Variants in DSCAM observed in about 807,000 individuals in gnomAD.
DSCAM encodes DS cell adhesion molecule.
Under a neutral mutation model 217.7 loss-of-function variants are expected in DSCAM, and 47 were observed. The observed-to-expected ratio is 0.22, with a 90% CI of 0.17 to 0.28. The LOEUF is 0.28. DSCAM is among the 10% of genes least tolerant of loss of function. The pLI is 1.00. For synonymous variants in DSCAM, 1,056 were observed against 1,015.3 expected, an observed-to-expected ratio of 1.04 and a Z score of -0.76; for missense variants, 2,080 against 2,618.3, an observed-to-expected ratio of 0.79 and a Z score of 4.49.
chr21:40,037,949 A>G (rs932831545), intron 32 of DSCAM, among the ~76,000 whole-genome samples: 6 of 146,792 alleles, frequency 4.1e-5, no homozygotes, highest in African/African-American at 1.3e-4. Flanking sequence ...GGTGCTGGGA[A>G]AACTGGCTAG....
chr21:40,098,562 C>G (rs2089711550), intron 20 of DSCAM, among the ~76,000 whole-genome samples: 1 of 152,218 alleles, frequency 6.6e-6, no homozygotes, highest in Non-Finnish European at 1.5e-5. Flanking sequence ...GTGACCAAAA[C>G]AAGAAGGACT....
At chr21:40,713,589 A>G (rs548871072) in intron 1 of DSCAM, among the ~76,000 whole-genome samples, 40 of 152,310 alleles carry the variant, frequency 2.6e-4, no homozygotes, top group African/African-American at 8.7e-4. Flanking sequence ...GGGATGAGGA[A>G]GGGCAAGTGT....
intron 1 of DSCAM, among the ~76,000 whole-genome samples, chr21:40,780,423 G>GTATATATATATATATATATATATA (rs71186965): frequency 6.9e-4 from 39 of 56,390 alleles, no homozygotes; most frequent in African/African-American, 1.9e-3. Flanking sequence ...GTGTGTGTGT[G>GTATATATATATATATATATATATA]TATATATATA....
chr21:40,813,930 C>A (rs2091859764), intron 1 of DSCAM, among the ~76,000 whole-genome samples: 1 of 152,088 alleles, frequency 6.6e-6, no homozygotes, highest in Non-Finnish European at 1.5e-5. Flanking sequence ...CAGGTATGAG[C>A]CCCTGAGCAC....
intron 11 of DSCAM, among the ~76,000 whole-genome samples, chr21:40,221,242 A>G (rs1400747372): frequency 6.6e-6 from 1 of 151,970 alleles, no homozygotes; most frequent in East Asian, 1.9e-4. Context: ...TACCTGTCCC[A>G]CCCATGCCAC....
At chr21:40,249,718 A>G (rs2073276316) in intron 11 of DSCAM, among the ~76,000 whole-genome samples, 1 of 152,120 alleles carries the variant, frequency 6.6e-6, no homozygotes, top group Admixed American at 6.6e-5. Context: ...TCTCTTTGCA[A>G]CCTGGTATGC....
intron 1 of DSCAM, among the ~76,000 whole-genome samples, chr21:40,800,472 G>A (rs557460279): frequency 1.8e-4 from 28 of 152,132 alleles, no homozygotes; most frequent in Non-Finnish European, 3.7e-4. Flanking sequence ...TTAGGAATTG[G>A]TTAAATGGTG....
intron 3 of DSCAM, among the ~76,000 whole-genome samples, chr21:40,567,790 T>G (rs2076776251): frequency 6.6e-6 from 1 of 152,264 alleles, no homozygotes; most frequent in Non-Finnish European, 1.5e-5. Context: ...ACATAAGCAC[T>G]CTGCCTATTC....
chr21:40,554,798 C>T (rs2076658158), intron 3 of DSCAM, among the ~76,000 whole-genome samples: 2 of 150,960 alleles, frequency 1.3e-5, no homozygotes, highest in Non-Finnish European at 2.9e-5. Flanking sequence ...ATCTCTGCTC[C>T]CATAATATTT....
At chr21:40,377,165 T>G (rs1320606777) in intron 3 of DSCAM, among the ~76,000 whole-genome samples, 7 of 152,176 alleles carry the variant, frequency 4.6e-5, no homozygotes, top group Admixed American at 4.6e-4. Flanking sequence ...TATGACACAT[T>G]TAGTTCTTAC....
At chr21:40,659,930 T>C (rs992629441) in intron 3 of DSCAM, among the ~76,000 whole-genome samples, 1 of 152,234 alleles carries the variant, frequency 6.6e-6, no homozygotes. Flanking sequence ...AGAAATTGAA[T>C]GTGAATAAAT....
intron 10 of DSCAM, among the ~76,000 whole-genome samples, chr21:40,294,406 A>G (rs2073930346): frequency 1.3e-5 from 2 of 152,236 alleles, no homozygotes; most frequent in Admixed American, 6.5e-5. Context: ...CAGGTTGTAA[A>G]GACTATTTAA....
intron 3 of DSCAM, among the ~76,000 whole-genome samples, chr21:40,536,650 C>G (rs1011598606): frequency 2.0e-5 from 3 of 152,182 alleles, no homozygotes; most frequent in African/African-American, 7.2e-5. Context: ...TCGTGATCCG[C>G]CCGCCTTGGC....
chr21:40,083,698 A>G (rs1275766193), intron 24 of DSCAM, among the ~76,000 whole-genome samples: 2 of 152,198 alleles, frequency 1.3e-5, no homozygotes, highest in Non-Finnish European at 2.9e-5. Context: ...CTCTTAAATG[A>G]GCATCCTTGG....
intron 24 of DSCAM, among the ~76,000 whole-genome samples, chr21:40,083,312 C>T (rs562474178): frequency 7.2e-5 from 11 of 152,182 alleles, no homozygotes; most frequent in Non-Finnish European, 1.3e-4. Context: ...GTCTCTAATC[C>T]CAGCTACTTG....
chr21:40,550,055 C>T (rs921119442), intron 3 of DSCAM, among the ~76,000 whole-genome samples: 1 of 152,264 alleles, frequency 6.6e-6, no homozygotes, highest in South Asian at 2.1e-4. Context: ...AAGAACCCTA[C>T]CAAAATACTA....
chr21:40,568,288 G>A (rs1038660738), intron 3 of DSCAM, among the ~76,000 whole-genome samples: 1 of 152,208 alleles, frequency 6.6e-6, no homozygotes, highest in African/African-American at 2.4e-5. Context: ...TTAAAGCACA[G>A]TGTGTTAGTA....
intron 3 of DSCAM, among the ~76,000 whole-genome samples, chr21:40,638,465 C>G (rs1423319313): frequency 1.3e-5 from 2 of 152,130 alleles, no homozygotes; most frequent in Admixed American, 1.3e-4. Flanking sequence ...AGAATTCAAG[C>G]TGGATTTGCA....
intron 6 of DSCAM, among the ~76,000 whole-genome samples, chr21:40,341,963 T>C (rs1286700326): frequency 6.6e-6 from 1 of 152,202 alleles, no homozygotes; most frequent in African/African-American, 2.4e-5. Context: ...AGAGTAATTT[T>C]GTAGTCAGTT....
Sources: gnomAD v4.1 joint callset for allele counts (sites outside exome capture counted in the v4.1 genomes callset) on GRCh38, gnomAD v4.1.1 for gene constraint, MANE v1.5 for transcripts, NCBI Gene and HGNC (gene_info 2026-07-23, HGNC 2026-07-21) for gene names.